The following FRMD3 variants were observed in gnomAD, a reference collection of about 807,000 sequenced individuals.
FRMD3 encodes FERM domain-containing protein 3.
A neutral mutation model predicts 70.2 loss-of-function variants in FRMD3; 33 were observed. The ratio of observed to expected loss-of-function variants is 0.47; its 90% CI spans 0.36 to 0.63. FRMD3 has a LOEUF of 0.63. Ranked by LOEUF, FRMD3 falls within the 20% of genes least tolerant of loss-of-function variation. The pLI, the probability that FRMD3 is intolerant of heterozygous loss-of-function variation, is 0.00. For missense variants in FRMD3, 632 were observed against 711.4 expected, an observed-to-expected ratio of 0.89 and a Z score of 1.27; for synonymous variants, 279 against 255.9, an observed-to-expected ratio of 1.09 and a Z score of -0.86.
chr9:83,465,333 T>C (rs893696703), intron 1 of FRMD3, among the ~76,000 whole-genome samples: 7 of 152,164 alleles, frequency 4.6e-5, no homozygotes, highest in Non-Finnish European at 1.0e-4. Context: ...CTCATGCCTG[T>C]AAGCTCAGAA....
chr9:83,313,286 A>G lies in FRMD3; in HGVS notation c.684+374T>C, dbSNP rs929771842. Among the ~76,000 whole-genome samples, 5 of 152,294 alleles carry G rather than the reference A, an allele frequency of 3.3e-5. No individual in the cohort carries two copies. The South Asian group carries it at 1.0e-3, about 32-fold the overall frequency. On this transcript the variant is annotated intron_variant, in intron 7 of 13. Coordinates refer to ENST00000304195, the MANE Select transcript of FRMD3 (RefSeq NM_174938.6). ...TCCTAATGCCAAAATGCAACTTGAA[A>G]TCTTTCTTTTTTTTCCTTCCACTTT... is the stretch of plus-strand genomic sequence containing the variant.
chr9:83,538,276 G>A lies in FRMD3; in HGVS notation c.-45C>T, dbSNP rs1587542928. Reference sequence around the variant, plus strand: ...CGAGCGGGAGGCTCAGGGCCGGCGCGGTGCTCGCCTGCGCGGACACACACG... The same window carrying A: ...CGAGCGGGAGGCTCAGGGCCGGCGCAGTGCTCGCCTGCGCGGACACACACG... On this transcript the variant is annotated 5_prime_UTR_variant, in exon 1 of 14. Coordinates refer to ENST00000304195, the MANE Select transcript of FRMD3 (RefSeq NM_174938.6). This position sits in a 1 kb window ranked among gnomAD's most constrained non-coding sequence, Gnocchi z 4.7. 6.6e-7 allele frequency: 1 copy of A among 1,523,934 alleles called. No individual in the cohort carries two copies. The highest frequency in any genetic ancestry group is 8.8e-7 in the Non-Finnish European group (1 of 1,135,350). The allele number at this position is 1,523,934 out of a possible 1,614,324, so 94.4% of individuals were successfully genotyped here.
intron 2 of FRMD3, among the ~76,000 whole-genome samples, chr9:83,378,295 C>G (rs1298787569): frequency 7.2e-6 from 1 of 138,764 alleles, no homozygotes; most frequent in Admixed American, 7.5e-5. Flanking sequence ...GAGTCTTGCT[C>G]TGTCACCCAG....
intron 1 of FRMD3, among the ~76,000 whole-genome samples, chr9:83,443,641 T>C (rs1055427873): frequency 2.0e-5 from 3 of 152,228 alleles, no homozygotes; most frequent in African/African-American, 7.2e-5. Context: ...TTTATAATCC[T>C]TTGGGTATAT....
chr9:83,485,332 A>C (rs957079511), intron 1 of FRMD3, among the ~76,000 whole-genome samples: 1 of 152,232 alleles, frequency 6.6e-6, no homozygotes, highest in Non-Finnish European at 1.5e-5. Flanking sequence ...AGTAATTCGT[A>C]AATAATTCAG....
intron 1 of FRMD3, among the ~76,000 whole-genome samples, chr9:83,519,172 T>C (rs1388431327): frequency 6.6e-6 from 1 of 152,110 alleles, no homozygotes; most frequent in Non-Finnish European, 1.5e-5. Context: ...CGCTTCTGCA[T>C]AGCAAAAGAA....
At chr9:83,396,547 G>T (rs1825816677) in intron 1 of FRMD3, among the ~76,000 whole-genome samples, 1 of 152,160 alleles carries the variant, frequency 6.6e-6, no homozygotes, top group Non-Finnish European at 1.5e-5. Flanking sequence ...TCTCTTGTCT[G>T]ATTGGTTCAG....
chr9:83,491,627 G>A (rs564174428), intron 1 of FRMD3, among the ~76,000 whole-genome samples: 3 of 152,268 alleles, frequency 2.0e-5, no homozygotes, highest in African/African-American at 7.2e-5. Flanking sequence ...AACTCCACAG[G>A]TTTTGGTGAC....
intron 1 of FRMD3, among the ~76,000 whole-genome samples, chr9:83,533,622 A>G (rs1258031685): frequency 2.6e-5 from 4 of 152,244 alleles, no homozygotes; most frequent in Non-Finnish European, 5.9e-5. Flanking sequence ...TGGGAAGGTT[A>G]GCACTCATCC....
At chr9:83,257,744 A>G (rs1228269568) in intron 13 of FRMD3, among the ~76,000 whole-genome samples, 2 of 152,168 alleles carry the variant, frequency 1.3e-5, no homozygotes, top group Non-Finnish European at 2.9e-5. Context: ...TACTTCATCC[A>G]CATCTGAGAA....
At chr9:83,304,984 G>C (rs561485292) in intron 10 of FRMD3, among the ~76,000 whole-genome samples, 1 of 152,342 alleles carries the variant, frequency 6.6e-6, no homozygotes, top group East Asian at 1.9e-4. Flanking sequence ...CCCTGGGCCA[G>C]CTGACAACCA....
rs539673840 is a variant in FRMD3, at chr9:83,373,096, A to G, written c.253-141T>C. On this transcript the variant is annotated intron_variant, in intron 2 of 13. Coordinates refer to ENST00000304195, the MANE Select transcript of FRMD3 (RefSeq NM_174938.6). ...CCAGAATTCCACACTCTGAAGACCA[A>G]CATAAACAACTTGGCAATAATCATA... 62 of 681,184 alleles carry G rather than the reference A, an allele frequency of 9.1e-5. 1 individual carries two copies. In the South Asian group the frequency reaches 1.0e-3, roughly 11 times the overall value. The allele number at this position is 681,184 out of a possible 1,614,324, so 42.2% of individuals were successfully genotyped here.
At chr9:83,499,500 C>T (rs777540093) in intron 1 of FRMD3, among the ~76,000 whole-genome samples, 2 of 152,174 alleles carry the variant, frequency 1.3e-5, no homozygotes, top group Admixed American at 6.5e-5. Context: ...ACTTTCCACT[C>T]CTGCCTACCT....
At chr9:83,380,026 C>T (rs1825308114) in intron 2 of FRMD3, among the ~76,000 whole-genome samples, 1 of 152,194 alleles carries the variant, frequency 6.6e-6, no homozygotes, top group Non-Finnish European at 1.5e-5. Context: ...ATCACTTATA[C>T]AGAAATTTTT....
upstream of FRMD3, chr9:83,538,618 G>A (rs1564122092): frequency 6.1e-6 from 1 of 163,248 alleles, no homozygotes. This position sits in a 1 kb window ranked among gnomAD's most constrained non-coding sequence, Gnocchi z 4.7. Flanking sequence ...GCTGGCCCGG[G>A]TGCCCTGGTG....
At chr9:83,372,988 G>C (rs1039907066) in intron 2 of FRMD3, 33 bp from the exon 3 acceptor site, 1 of 1,583,458 alleles carries the variant, frequency 6.3e-7, no homozygotes, top group Non-Finnish European at 8.6e-7. Flanking sequence ...CAGAGATCAG[G>C]GGTCAAATTG....
intron 6 of FRMD3, among the ~76,000 whole-genome samples, chr9:83,323,874 G>C (rs1457089626): frequency 6.6e-6 from 1 of 152,206 alleles, no homozygotes; most frequent in Non-Finnish European, 1.5e-5. Context: ...ACATAAGGTA[G>C]AGCAACCTAA....
At chr9:83,283,545 AAAAT>A (rs1834063568) in intron 13 of FRMD3, among the ~76,000 whole-genome samples, 1 of 25,158 alleles carries the variant, frequency 4.0e-5, no homozygotes, top group Non-Finnish European at 1.2e-4. Flanking sequence ...AAAAAAAAAA[AAAAT>A]AATAATAATA....
chr9:83,267,326 C>A, intron 13 of FRMD3: 2 of 1,420,598 alleles, frequency 1.4e-6, no homozygotes, highest in Non-Finnish European at 1.8e-6. Context: ...GGAGGGGACG[C>A]TATTTTTAAA....
Sources: gnomAD v4.1 joint callset for allele counts (sites outside exome capture counted in the v4.1 genomes callset) on GRCh38, gnomAD v4.1.1 for gene constraint, Gnocchi (gnomAD v3.1) non-coding constraint, MANE v1.5 for transcripts, NCBI Gene and HGNC (gene_info 2026-07-23, HGNC 2026-07-21) for gene names.